LRRC4C: variants seen among roughly 807,000 people sequenced by gnomAD.
LRRC4C encodes the protein leucine-rich repeat-containing protein 4C.
LRRC4C carries 5 observed loss-of-function variants against 33.6 expected under a neutral mutation model. The observed-to-expected ratio is 0.15, with a 90% confidence interval of 0.08 to 0.31. The LOEUF is 0.31. LRRC4C is among the 10% of genes least tolerant of loss of function. LRRC4C has a pLI of 1.00. For missense variants in LRRC4C, 560 were observed against 796.7 expected, an observed-to-expected ratio of 0.70 and a Z score of 3.58; for synonymous variants, 329 against 302.0, an observed-to-expected ratio of 1.09 and a Z score of -0.93.
chr11:40,631,399 C>A (rs1263773882), intron 3 of LRRC4C, among the ~76,000 whole-genome samples: 1 of 152,068 alleles, frequency 6.6e-6, no homozygotes, highest in Non-Finnish European at 1.5e-5. Flanking sequence ...ATGTTTGGGG[C>A]CAGAGTCACT....
At chr11:40,734,981 ATC>A (rs1464371609) in intron 2 of LRRC4C, among the ~76,000 whole-genome samples, 3 of 149,540 alleles carry the variant, frequency 2.0e-5, no homozygotes, top group Admixed American at 1.3e-4. Flanking sequence ...GAAAAAAATA[ATC>A]TCTCTCTCTC....
chr11:41,335,967 C>T (rs1332918958), intron 1 of LRRC4C, among the ~76,000 whole-genome samples: 1 of 152,146 alleles, frequency 6.6e-6, no homozygotes, highest in Non-Finnish European at 1.5e-5. Context: ...AATGGCCAGG[C>T]ATGGGAAACA....
intron 2 of LRRC4C, among the ~76,000 whole-genome samples, chr11:40,908,006 G>A (rs1956499043): frequency 6.6e-6 from 1 of 152,128 alleles, no homozygotes; most frequent in African/African-American, 2.4e-5. Flanking sequence ...CATAGGTATT[G>A]TTGTTACTTA....
chr11:41,194,570 C>G (rs753891624), intron 1 of LRRC4C, among the ~76,000 whole-genome samples: 41 of 152,060 alleles, frequency 2.7e-4, no homozygotes, highest in Admixed American at 7.2e-4. Context: ...CCATGTTGGA[C>G]AGGCTCATGT....
At chr11:41,345,685 G>A (rs904759188) in intron 1 of LRRC4C, among the ~76,000 whole-genome samples, 1 of 152,082 alleles carries the variant, frequency 6.6e-6, no homozygotes, top group African/African-American at 2.4e-5. Flanking sequence ...TTCTAAAGTA[G>A]GTATCATGAC....
At chr11:40,730,828 C>A (rs995160324) in intron 2 of LRRC4C, among the ~76,000 whole-genome samples, 3 of 152,160 alleles carry the variant, frequency 2.0e-5, no homozygotes, top group Non-Finnish European at 2.9e-5. Context: ...TGAAGCCCAC[C>A]TTTTCTGCTT....
chr11:41,133,130 C>T (rs1298465706), intron 1 of LRRC4C, among the ~76,000 whole-genome samples: 1 of 152,060 alleles, frequency 6.6e-6, no homozygotes, highest in Non-Finnish European at 1.5e-5. Flanking sequence ...ACTAAACACA[C>T]ACAAGAGCAA....
At chr11:41,449,106 C>CT (rs1388206404) in intron 1 of LRRC4C, among the ~76,000 whole-genome samples, 4 of 152,136 alleles carry the variant, frequency 2.6e-5, no homozygotes, top group Non-Finnish European at 2.9e-5. Flanking sequence ...GCCAATATTG[C>CT]AAGGCTGGAG....
intron 1 of LRRC4C, among the ~76,000 whole-genome samples, chr11:41,052,185 G>C (rs61693865): frequency 0.012 from 1,872 of 152,182 alleles, 34 homozygotes; most frequent in African/African-American, 0.043. Flanking sequence ...AATTAGAAGA[G>C]TATGAAGAAG....
chr11:40,569,744 T>G (rs959457199), intron 3 of LRRC4C, among the ~76,000 whole-genome samples: 2 of 152,102 alleles, frequency 1.3e-5, no homozygotes, highest in Non-Finnish European at 2.9e-5. Context: ...ACATCTATAC[T>G]GAGGATTAAA....
chr11:40,554,969 C>G (rs12294325), intron 3 of LRRC4C, among the ~76,000 whole-genome samples: 3,644 of 143,426 alleles, frequency 0.025, 148 homozygotes, highest in African/African-American at 0.035. Flanking sequence ...GATCCGCCCG[C>G]CTCGGCCTCC....
chr11:40,234,197 T>C (rs1180650582), intron 5 of LRRC4C, among the ~76,000 whole-genome samples: 3 of 152,228 alleles, frequency 2.0e-5, no homozygotes, highest in Non-Finnish European at 4.4e-5. Flanking sequence ...TTTTGTCAGC[T>C]AGAATTAAAG....
chr11:40,997,788 G>T (rs1320812251), intron 1 of LRRC4C, among the ~76,000 whole-genome samples: 3 of 151,964 alleles, frequency 2.0e-5, no homozygotes, highest in African/African-American at 7.3e-5. Context: ...TGTCACCAAT[G>T]GTTATAAAGA....
chr11:40,614,150 T>G (rs2135905710), intron 3 of LRRC4C, among the ~76,000 whole-genome samples: 1 of 151,992 alleles, frequency 6.6e-6, no homozygotes, highest in Non-Finnish European at 1.5e-5. Flanking sequence ...AGGTATTGAC[T>G]TCTCTCTAGC....
At chr11:40,509,565 C>T (rs1048259204) in intron 3 of LRRC4C, among the ~76,000 whole-genome samples, 1 of 151,710 alleles carries the variant, frequency 6.6e-6, no homozygotes, top group East Asian at 1.9e-4. Flanking sequence ...TGTCATGGAA[C>T]AATGCGGTAT....
intron 3 of LRRC4C, among the ~76,000 whole-genome samples, chr11:40,565,682 G>A (rs958888240): frequency 6.6e-6 from 1 of 152,070 alleles, no homozygotes; most frequent in Non-Finnish European, 1.5e-5. Flanking sequence ...TGCCTTCAGA[G>A]ACATTTCCTT....
chr11:40,267,477 G>A (rs1252595652), intron 4 of LRRC4C, among the ~76,000 whole-genome samples: 1 of 152,082 alleles, frequency 6.6e-6, no homozygotes, highest in Non-Finnish European at 1.5e-5. Flanking sequence ...TCAGCCTGCT[G>A]AGTAGCTGGG....
intron 1 of LRRC4C, among the ~76,000 whole-genome samples, chr11:41,020,073 C>T (rs1010363256): frequency 8.5e-5 from 13 of 152,082 alleles, no homozygotes; most frequent in African/African-American, 3.1e-4. Context: ...GCATTTTTGT[C>T]ATGAAATCTT....
At chr11:40,381,776 A>AT (rs1309914503) in intron 3 of LRRC4C, among the ~76,000 whole-genome samples, 20 of 152,012 alleles carry the variant, frequency 1.3e-4, no homozygotes, top group Admixed American at 1.2e-3. Context: ...CTCTTCAGAA[A>AT]TTTGGCTTTT....
Sources: allele counts gnomAD v4.1 joint callset (sites outside exome capture counted in the v4.1 genomes callset), GRCh38; gene constraint gnomAD v4.1.1; transcripts MANE v1.5; gene names NCBI Gene and HGNC (gene_info 2026-07-23, HGNC 2026-07-21).